Variants in PRKCA observed in about 807,000 individuals in gnomAD.
PRKCA encodes the protein protein kinase C alpha type.
Under a neutral mutation model 87.0 loss-of-function variants are expected in PRKCA, and 27 were observed. The ratio of observed to expected loss-of-function variants is 0.31; its 90% CI spans 0.23 to 0.43. The LOEUF is 0.43. PRKCA is among the 20% of genes least tolerant of loss of function. The pLI is 1.00. For synonymous variants in PRKCA, 329 were observed against 311.1 expected, an observed-to-expected ratio of 1.06 and a Z score of -0.61; for missense variants, 518 against 852.3, an observed-to-expected ratio of 0.61 and a Z score of 4.88.
chr17:66,612,074 A>T (rs1471046753), intron 3 of PRKCA, among the ~76,000 whole-genome samples: 3 of 99,884 alleles, frequency 3.0e-5, no homozygotes, highest in Non-Finnish European at 6.3e-5. Flanking sequence ...TCACTTTGTG[A>T]GTAAAAAAAA....
intron 2 of PRKCA, among the ~76,000 whole-genome samples, chr17:66,481,133 G>A (rs1915759417): frequency 6.6e-6 from 1 of 152,128 alleles, no homozygotes; most frequent in African/African-American, 2.4e-5. Context: ...AGGCTGGGCT[G>A]AGGGCTATTC....
At chr17:66,558,214 G>A (rs1219768868) in intron 3 of PRKCA, among the ~76,000 whole-genome samples, 1 of 152,256 alleles carries the variant, frequency 6.6e-6, no homozygotes, top group Admixed American at 6.5e-5. Flanking sequence ...TTATGGCTAC[G>A]TGCTAGGTAC....
chr17:66,770,326 C>T (rs1475363941), intron 13 of PRKCA, among the ~76,000 whole-genome samples: 1 of 152,230 alleles, frequency 6.6e-6, no homozygotes, highest in African/African-American at 2.4e-5. Context: ...AGTAGGAAAT[C>T]TTCCATGTAA....
At chr17:66,793,053 G>A (rs1975577232) in intron 16 of PRKCA, among the ~76,000 whole-genome samples, 1 of 152,198 alleles carries the variant, frequency 6.6e-6, no homozygotes, top group South Asian at 2.1e-4. Flanking sequence ...GACAACCACA[G>A]ACAGCAGTGC....
Position 66,593,521 on chromosome 17 carries a change from C to G in PRKCA, c.289-47834C>G, listed in dbSNP as rs74409409. 3.2e-3 allele frequency among the ~76,000 whole-genome samples: 487 copies of G among 152,258 alleles called. 1 individual carries two copies. Among genetic ancestry groups the G allele is most frequent in the African/African-American group, 0.011 (470 of 41,530 alleles). ...GCAAGAGAGGCAGGCAAATGGAGTC[C>G]CCAGCTGGAGGCCACATGCACAGCT... On this transcript the variant is annotated intron_variant, in intron 3 of 16. Transcript: ENST00000413366.
At chr17:66,332,459 G>A (rs934960737) in intron 2 of PRKCA, among the ~76,000 whole-genome samples, 1 of 151,650 alleles carries the variant, frequency 6.6e-6, no homozygotes, top group African/African-American at 2.4e-5. Flanking sequence ...AACTCCTGAC[G>A]TCAGGTGATC....
rs1373318395 is a variant in PRKCA at position 66,689,168 on chromosome 17, C to G, written c.918+121C>G. ...AAAAAGTAATCTCAATGTTAATGAT[C>G]TTTTTCTTTATTTAAAAACATGAAT... is the stretch of plus-strand genomic sequence containing the variant. On this transcript the variant is annotated intron_variant, in intron 8 of 16. Coordinates refer to ENST00000413366, the MANE Select transcript of PRKCA (RefSeq NM_002737.3). The surrounding 1 kb of genome is among the most constrained non-coding windows in gnomAD (Gnocchi z 4.1). 1 of 592,946 alleles carries G rather than the reference C, an allele frequency of 1.7e-6. No individual in the cohort carries two copies. 36.7% of individuals were successfully genotyped at this position (592,946 alleles called of 1,614,324 possible).
chr17:66,355,676 T>G (rs1908003861), intron 2 of PRKCA, among the ~76,000 whole-genome samples: 1 of 152,192 alleles, frequency 6.6e-6, no homozygotes, highest in Non-Finnish European at 1.5e-5. Flanking sequence ...TTTTGCACAA[T>G]GAACCTGCCC....
Position 66,785,166 on chromosome 17 carries a change from G to T in PRKCA, c.1606-1701G>T, listed in dbSNP as rs568304429. Among the ~76,000 whole-genome samples, 291 of 152,190 alleles carry T rather than the reference G, an allele frequency of 1.9e-3. 1 individual carries two copies. The highest frequency in any genetic ancestry group is 6.3e-3 in the African/African-American group (260 of 41,532). ...GTAGACTTGGCATCTTTCCCTCAGGGCACGTGGCTCCTGTCCAGGACTGGG... is the reference window on the plus strand; with the variant it reads ...GTAGACTTGGCATCTTTCCCTCAGGTCACGTGGCTCCTGTCCAGGACTGGG... On this transcript the variant is annotated intron_variant, in intron 14 of 16. Transcript: ENST00000413366.
chr17:66,569,362 G>A (rs549897968), intron 3 of PRKCA, among the ~76,000 whole-genome samples: 1 of 93,776 alleles, frequency 1.1e-5, no homozygotes, highest in South Asian at 3.7e-4. Flanking sequence ...CTGAGGTCAG[G>A]CGTTCAAGAC....
chr17:66,322,588 A>G (rs1230071558), intron 2 of PRKCA, among the ~76,000 whole-genome samples: 1 of 151,670 alleles, frequency 6.6e-6, no homozygotes. Flanking sequence ...TTAGCCACCC[A>G]AGTAGCTAGG....
chr17:66,626,263 C>G (rs764397453), intron 3 of PRKCA, among the ~76,000 whole-genome samples: 12 of 151,168 alleles, frequency 7.9e-5, no homozygotes, highest in Non-Finnish European at 1.5e-4. Flanking sequence ...TCTTGGCTAA[C>G]TGGAACCTCT....
intron 13 of PRKCA, among the ~76,000 whole-genome samples, chr17:66,753,930 T>G (rs1313176826): frequency 1.3e-5 from 2 of 152,112 alleles, no homozygotes; most frequent in Non-Finnish European, 2.9e-5. Context: ...CCACCCAGTC[T>G]GTGGTGTTTT....
chr17:66,472,438 T>A (rs1915365196), intron 2 of PRKCA, among the ~76,000 whole-genome samples: 1 of 152,218 alleles, frequency 6.6e-6, no homozygotes, highest in African/African-American at 2.4e-5. Context: ...GTGGAAATTG[T>A]CTCAGTCATT....
intron 14 of PRKCA, among the ~76,000 whole-genome samples, chr17:66,776,551 A>C (rs985603612): frequency 1.3e-5 from 2 of 151,692 alleles, no homozygotes; most frequent in Non-Finnish European, 2.9e-5. Context: ...CTCGTGATCC[A>C]CCCGCCTCAG....
chr17:66,661,074 T>C (rs1024741), intron 5 of PRKCA, among the ~76,000 whole-genome samples: 87,250 of 152,018 alleles, frequency 0.57, 25,378 homozygotes, highest in African/African-American at 0.69. Flanking sequence ...ATCTCACCTC[T>C]TCTTTCTCCA....
chr17:66,486,312 T>C (rs1915987522), intron 2 of PRKCA, among the ~76,000 whole-genome samples: 1 of 152,220 alleles, frequency 6.6e-6, no homozygotes, highest in Non-Finnish European at 1.5e-5. Flanking sequence ...ATTGTAGTTC[T>C]GAGTTGAATA....
At chr17:66,725,584 G>T (rs980320333) in intron 8 of PRKCA, among the ~76,000 whole-genome samples, 2 of 151,882 alleles carry the variant, frequency 1.3e-5, no homozygotes, top group Non-Finnish European at 2.9e-5. Context: ...GCTGAGGTGG[G>T]TGGATCACTT....
At chr17:66,616,478 G>A (rs1970519235) in intron 3 of PRKCA, among the ~76,000 whole-genome samples, 2 of 152,192 alleles carry the variant, frequency 1.3e-5, no homozygotes, top group Non-Finnish European at 1.5e-5. Context: ...TTCCATTCAT[G>A]TTGCAGATGT....
Sources: gnomAD v4.1 joint callset for allele counts (sites outside exome capture counted in the v4.1 genomes callset) on GRCh38, gnomAD v4.1.1 for gene constraint, Gnocchi (gnomAD v3.1) non-coding constraint, MANE v1.5 for transcripts, NCBI Gene and HGNC (gene_info 2026-07-23, HGNC 2026-07-21) for gene names.